CCAR1: variants seen among roughly 807,000 people sequenced by gnomAD.
CCAR1 encodes cell division cycle and apoptosis regulator protein 1.
Under a neutral mutation model 163.8 loss-of-function variants are expected in CCAR1, and 78 were observed. The observed-to-expected ratio is 0.48, with a 90% CI of 0.40 to 0.57. CCAR1 has a LOEUF of 0.57. Among genes scored for constraint, CCAR1 ranks in the 20% least tolerant of loss-of-function variants. CCAR1 has a pLI of 0.00. For missense variants in CCAR1, 1,019 were observed against 1,365.2 expected (o/e 0.75, Z 4.00); for synonymous variants, 443 against 460.7 (o/e 0.96, Z 0.49).
intron 17 of CCAR1, 124 bp from the exon 18 acceptor site, chr10:68,771,082 A>C (rs532760120): frequency 1.2e-6 from 1 of 804,502 alleles, no homozygotes; most frequent in East Asian, 2.7e-5. Context: ...CATCTCAAAA[A>C]AAAAAAAGTT....
At chr10:68,748,482 G>GTT (rs2056287400) in intron 8 of CCAR1, among the ~76,000 whole-genome samples, 1 of 137,950 alleles carries the variant, frequency 7.2e-6, no homozygotes, top group African/African-American at 2.7e-5. Context: ...ATTGTGACAT[G>GTT]TTCTTTTTTT....
In CCAR1 at chr10:68,756,252, A is replaced by T. The variant is rs764710202; in HGVS notation, c.1626-21A>T. The T allele has an allele frequency of 1.7e-5, 27 of 1,593,214 alleles. No homozygotes were observed. Among genetic ancestry groups the T allele is most frequent in the Middle Eastern group, 1.7e-4 (1 of 5,950 alleles). The stretch of plus-strand genomic sequence containing the variant: ...TGTATTTTAGAATTTTTTTTCCAAC[A>T]TGCTTCTTCCCTTGCAACAGGTACC... On this transcript the variant is annotated intron_variant, in intron 13 of 24. Transcript: ENST00000265872. The surrounding 1 kb of genome is among the most constrained non-coding windows in gnomAD (Gnocchi z 5.1).
intron 10 of CCAR1, among the ~76,000 whole-genome samples, chr10:68,752,883 AATAGATAG>A (rs36140870): frequency 0.18 from 25,107 of 142,172 alleles, 2,290 homozygotes; most frequent in East Asian, 0.27. Flanking sequence ...GATAGGATAG[AATAGATAG>A]ATAGATAGAT....
chr10:68,753,918 T>C lies in CCAR1; in HGVS notation c.1185T>C (p.Phe395=), dbSNP rs781168842. Reference sequence around the variant, plus strand: ...ATTTGTATATACCTAGTGACTTTTTTGATGCTCAATTTACATGGGTGGATG... The same window carrying C: ...ATTTGTATATACCTAGTGACTTTTTCGATGCTCAATTTACATGGGTGGATG... The part of the protein sequence containing the change: ...YQNLYIPSDF[F]DAQFTWVDAF... Residue 395 remains phenylalanine, a synonymous_variant, in exon 11 of 25, where the codon TTT becomes TTC. Coordinates refer to ENST00000265872, the MANE Select transcript of CCAR1 (RefSeq NM_018237.4). The C allele has an allele frequency of 8.1e-6, 13 of 1,614,136 alleles. No individual in the cohort carries two copies. Among genetic ancestry groups the C allele is most frequent in the Middle Eastern group, 1.7e-4 (1 of 6,060 alleles).
chr10:68,733,620 A>C (rs1375367295), intron 2 of CCAR1, among the ~76,000 whole-genome samples: 1 of 152,142 alleles, frequency 6.6e-6, no homozygotes, highest in East Asian at 1.9e-4. Context: ...CCTGGGCAAT[A>C]TAGCAAGACC....
chr10:68,733,669 ATTTATTT>A, intron 2 of CCAR1, among the ~76,000 whole-genome samples: 1 of 151,984 alleles, frequency 6.6e-6, no homozygotes, highest in East Asian at 1.9e-4. Context: ...AATTTATTTT[ATTTATTT>A]TTTATTTTTG....
intron 2 of CCAR1, among the ~76,000 whole-genome samples, chr10:68,724,293 A>G (rs575530363): frequency 3.3e-5 from 5 of 152,080 alleles, no homozygotes; most frequent in Admixed American, 3.3e-4. Flanking sequence ...GTGAAATCCT[A>G]TGTCTACCTA....
chr10:68,777,025 A>C (rs2133412597), intron 19 of CCAR1, among the ~76,000 whole-genome samples: 1 of 152,318 alleles, frequency 6.6e-6, no homozygotes, highest in Non-Finnish European at 1.5e-5. Context: ...CAACCATCTC[A>C]TTTAATGACA....
intron 15 of CCAR1, among the ~76,000 whole-genome samples, chr10:68,758,335 G>A (rs1407428864): frequency 2.0e-5 from 3 of 152,002 alleles, no homozygotes; most frequent in Non-Finnish European, 2.9e-5. Flanking sequence ...GATTACAGGC[G>A]TGAGCTACTG....
chr10:68,765,921 C>T lies in CCAR1; in HGVS notation c.2140C>T (p.Arg714Cys), dbSNP rs759599293. 6.2e-6 allele frequency: 10 copies of T among 1,613,326 alleles called. No individual in the cohort carries two copies. Among genetic ancestry groups the T allele is most frequent in the East Asian group, 2.2e-5 (1 of 44,888 alleles). Residue 714 changes from arginine to cysteine, a missense_variant, in exon 17 of 25, where the codon CGC becomes TGC. Coordinates refer to ENST00000265872, the MANE Select transcript of CCAR1 (RefSeq NM_018237.4). ...AAGGAAACGTCAAGAGGAAATAGAA[C>T]GCCAGCGTCGAGAAAGAAGATATAT... ...EERKRQEEIE[R>C]QRRERRYILP...
intron 10 of CCAR1, 73 bp downstream of exon 10, chr10:68,749,758 T>C (rs2056306827): frequency 7.6e-7 from 1 of 1,318,914 alleles, no homozygotes; most frequent in Non-Finnish European, 1.1e-6. Context: ...GTCACAGAGG[T>C]ATTTTTCTTG....
chr10:68,730,525 A>G (rs2056022677), intron 2 of CCAR1, among the ~76,000 whole-genome samples: 1 of 151,348 alleles, frequency 6.6e-6, no homozygotes, highest in Admixed American at 6.6e-5. Context: ...TTTAGTAGAG[A>G]CAGGGTTTCA....
chr10:68,747,908 C>T (rs893992812), intron 8 of CCAR1, among the ~76,000 whole-genome samples: 1 of 152,260 alleles, frequency 6.6e-6, no homozygotes, highest in African/African-American at 2.4e-5. Context: ...GGCTGGAGTG[C>T]AGTGGTGCAA....
chr10:68,749,354 T>C lies in CCAR1; in HGVS notation c.956+89T>C, dbSNP rs900276829. 11 of 1,352,360 alleles carry C rather than the reference T, an allele frequency of 8.1e-6. No homozygotes were observed. In the African/African-American group the frequency reaches 1.5e-4, roughly 18 times the overall value. The allele number at this position is 1,352,360 out of a possible 1,614,324, so 83.8% of individuals were successfully genotyped here. On this transcript the variant is annotated intron_variant, in intron 9 of 24. Coordinates refer to ENST00000265872, the MANE Select transcript of CCAR1 (RefSeq NM_018237.4). ...ATGCCACTGAACTATGCTTATAATA[T>C]AAAATTTTAAAATGGTAAATTTTAT...
At chr10:68,789,948 G>C (rs780991985) in intron 24 of CCAR1, 33 bp downstream of exon 24, 1 of 1,376,414 alleles carries the variant, frequency 7.3e-7, no homozygotes, top group Non-Finnish European at 9.9e-7. Flanking sequence ...CATTTTCTTA[G>C]TTTTAAAAAT....
chr10:68,722,397 C>A, intron 1 of CCAR1, 58 bp from the exon 2 acceptor site: 3 of 858,434 alleles, frequency 3.5e-6, no homozygotes, highest in Non-Finnish European at 6.1e-6. Context: ...ATTGTAATAT[C>A]CTTTTGTGAT....
At position 68,748,995 on chromosome 10, in the gene CCAR1, A is replaced by AT. The variant is rs373380489; in HGVS notation, c.827-141_827-140insT. The AT allele has an allele frequency of 5.0e-5, 47 of 940,950 alleles. No homozygotes were observed. The African/African-American group carries it at 7.2e-4, about 14-fold the overall frequency. 58.3% of individuals were successfully genotyped at this position (940,950 alleles called of 1,614,324 possible). ...AGCCGGCCAGTACCTATTCTTTAAA[A>AT]ATATATATAAATTAGGCCAACTTTG... On this transcript the variant is annotated intron_variant, in intron 8 of 24. Transcript: ENST00000265872.
At chr10:68,775,246 A>G (rs983241501) in intron 19 of CCAR1, among the ~76,000 whole-genome samples, 2 of 152,194 alleles carry the variant, frequency 1.3e-5, no homozygotes, top group Non-Finnish European at 2.9e-5. Flanking sequence ...ATAAGGTCGT[A>G]ATAGCATCTA....
chr10:68,767,307 G>A (rs2056547906), intron 17 of CCAR1, among the ~76,000 whole-genome samples: 1 of 151,792 alleles, frequency 6.6e-6, no homozygotes, highest in Non-Finnish European at 1.5e-5. Context: ...TCACTTTGTT[G>A]CCCAGAATGG....
Sources: gnomAD v4.1 joint callset for allele counts (sites outside exome capture counted in the v4.1 genomes callset) on GRCh38, gnomAD v4.1.1 for gene constraint, Gnocchi (gnomAD v3.1) non-coding constraint, MANE v1.5 for transcripts, NCBI Gene and HGNC (gene_info 2026-07-23, HGNC 2026-07-21) for gene names.